The following PXDNL variants were observed in gnomAD, a reference collection of about 807,000 sequenced individuals.
The protein encoded by PXDNL is probable oxidoreductase PXDNL.
A neutral mutation model predicts 150.8 loss-of-function variants in PXDNL; 145 were observed. That is an observed-to-expected ratio of 0.96 (90% CI 0.84 to 1.10). The LOEUF (loss-of-function observed/expected upper bound fraction) is 1.10, where lower values mean the gene tolerates loss of function less well. Among genes scored for constraint, PXDNL ranks in the 50% least tolerant of loss-of-function variants. The pLI, the probability that PXDNL is intolerant of heterozygous loss-of-function variation, is 0.00. For missense variants in PXDNL, 2,087 were observed against 1,873.9 expected, an observed-to-expected ratio of 1.11 and a Z score of -2.10; for synonymous variants, 757 against 725.7, an observed-to-expected ratio of 1.04 and a Z score of -0.69.
At chr8:51,495,580 A>G (rs1811026688) in intron 5 of PXDNL, among the ~76,000 whole-genome samples, 1 of 152,220 alleles carries the variant, frequency 6.6e-6, no homozygotes, top group Non-Finnish European at 1.5e-5. Flanking sequence ...AGATGCAATA[A>G]AAAATGATAA....
rs1473205919 is a variant in PXDNL at position 51,701,314 on chromosome 8, C to A, written c.165-46554G>T. ...GAATTTCAAACAGTGAGTCACTGGC[C>A]TCCTTCACCCAACCTGCATTATATA... On this transcript the variant is annotated intron_variant, in intron 1 of 22. Coordinates refer to ENST00000356297, the MANE Select transcript of PXDNL (RefSeq NM_144651.5). Among the ~76,000 whole-genome samples the A allele has an allele frequency of 3.3e-5, 5 of 152,182 alleles. No individual in the cohort carries two copies. In the South Asian group the frequency reaches 1.0e-3, roughly 32 times the overall value.
chr8:51,600,877 A>G (rs1019627243), intron 2 of PXDNL, among the ~76,000 whole-genome samples: 14 of 139,762 alleles, frequency 1.0e-4, no homozygotes, highest in African/African-American at 2.9e-4. Flanking sequence ...ATAATAAATT[A>G]CATCTTATAT....
At position 51,654,744 on chromosome 8, in the gene PXDNL, T is replaced by C. The variant is rs1815116436; in HGVS notation, c.181A>G (p.Arg61Gly). The C allele has an allele frequency of 1.2e-6, 2 of 1,613,100 alleles. No individual in the cohort carries two copies. Among genetic ancestry groups the C allele is most frequent in the African/African-American group, 2.7e-5 (2 of 74,928 alleles). Reference sequence around the variant, plus strand: ...GCGCTCCCTGGAATTTCTCTTATTCTGTTAAACCTCAAGTCTCTGGGAACA... The same window carrying C: ...GCGCTCCCTGGAATTTCTCTTATTCCGTTAAACCTCAAGTCTCTGGGAACA... ...QTTVLDLRFN[R>G]IREIPGSAFK... Residue 61 changes from arginine (R) to glycine (G), a missense_variant, in exon 2 of 23, where the codon AGA (arginine) becomes GGA (glycine). Coordinates refer to ENST00000356297, the MANE Select transcript of PXDNL (RefSeq NM_144651.5).
intron 1 of PXDNL, among the ~76,000 whole-genome samples, chr8:51,804,020 G>A (rs150032500): frequency 3.9e-4 from 60 of 152,258 alleles, no homozygotes; most frequent in African/African-American, 1.4e-3. Flanking sequence ...TTTTGCCAAG[G>A]TTGAGGACAC....
intron 2 of PXDNL, among the ~76,000 whole-genome samples, chr8:51,628,564 C>A (rs1814417432): frequency 6.6e-6 from 1 of 151,614 alleles, no homozygotes; most frequent in South Asian, 2.1e-4. Flanking sequence ...TGCCACCACA[C>A]CCAGCTAATT....
intron 21 of PXDNL, among the ~76,000 whole-genome samples, chr8:51,327,052 G>A (rs1401734687): frequency 2.0e-5 from 3 of 152,156 alleles, no homozygotes; most frequent in East Asian, 1.9e-4. Context: ...ACTGTCTAAT[G>A]AGACTTCTAT....
At chr8:51,404,835 C>T (rs533079712) in intron 17 of PXDNL, among the ~76,000 whole-genome samples, 2 of 152,354 alleles carry the variant, frequency 1.3e-5, no homozygotes, top group East Asian at 3.9e-4. Context: ...CTCCTCAGCC[C>T]TTGGGCGGTC....
chr8:51,502,822 G>A (rs763014959), intron 4 of PXDNL, among the ~76,000 whole-genome samples: 1 of 152,108 alleles, frequency 6.6e-6, no homozygotes, highest in Non-Finnish European at 1.5e-5. Flanking sequence ...TGCATTGCTA[G>A]AAGTAGAAAG....
chr8:51,629,136 G>C (rs1814433044), intron 2 of PXDNL, among the ~76,000 whole-genome samples: 3 of 152,014 alleles, frequency 2.0e-5, no homozygotes, highest in Admixed American at 2.0e-4. Context: ...ACGGCAAAGA[G>C]ATAAAGGAAA....
At chr8:51,695,980 A>G (rs538339270) in intron 1 of PXDNL, among the ~76,000 whole-genome samples, 1 of 152,314 alleles carries the variant, frequency 6.6e-6, no homozygotes, top group East Asian at 1.9e-4. Flanking sequence ...GGTGAATAAA[A>G]TTTCAGCTCC....
chr8:51,497,132 A>T (rs1012349421), intron 5 of PXDNL, among the ~76,000 whole-genome samples: 2 of 152,188 alleles, frequency 1.3e-5, no homozygotes, highest in Admixed American at 6.5e-5. Context: ...ATAATGCCGC[A>T]TATCTACAAC....
chr8:51,607,001 C>G (rs1813849711), intron 2 of PXDNL, among the ~76,000 whole-genome samples: 1 of 152,186 alleles, frequency 6.6e-6, no homozygotes, highest in Non-Finnish European at 1.5e-5. Flanking sequence ...AGGAAGAACT[C>G]ACATCACCAT....
intron 3 of PXDNL, among the ~76,000 whole-genome samples, chr8:51,586,480 A>C (rs961619035): frequency 2.0e-5 from 3 of 152,210 alleles, no homozygotes; most frequent in Non-Finnish European, 4.4e-5. Flanking sequence ...GAGAGTGGAC[A>C]AGAAACCACA....
rs117724554 is a variant in PXDNL at position 51,395,839 on chromosome 8, C to T, written c.3557+12228G>A. Reference sequence around the variant, plus strand: ...AAAATCTATTACTGCCTAATGAGACCCATACTTAACTCCAATTTACTCTCA... The same window carrying T: ...AAAATCTATTACTGCCTAATGAGACTCATACTTAACTCCAATTTACTCTCA... On this transcript the variant is annotated intron_variant, in intron 17 of 22. Transcript: ENST00000356297. Among the ~76,000 whole-genome samples, 532 of 152,246 alleles carry T rather than the reference C, an allele frequency of 3.5e-3. 2 individuals are homozygous for T. The highest frequency in any genetic ancestry group is 5.4e-3 in the Non-Finnish European group (369 of 68,014).
intron 5 of PXDNL, among the ~76,000 whole-genome samples, chr8:51,495,084 C>A (rs1811012428): frequency 6.6e-6 from 1 of 152,146 alleles, no homozygotes; most frequent in African/African-American, 2.4e-5. Context: ...AACTGTCTCT[C>A]AGACCACAGT....
At position 51,556,883 on chromosome 8, in the gene PXDNL, G is replaced by C. The variant is rs772345600; in HGVS notation, c.337C>G (p.Leu113Val). The C allele has an allele frequency of 6.3e-7, 1 of 1,584,402 alleles. No homozygotes were observed. The highest frequency in any genetic ancestry group is 1.3e-5 in the African/African-American group (1 of 74,188). ...AGTCCTTTAAATGTTTGCTTATCTA[G>C]TGCATGGATTTCATTCTTATACAGG... ...LYLYKNEIHA[L>V]DKQTFKGLIS... The change falls in exon 4 of 23, where the codon CTA becomes GTA. Residue 113 changes from leucine (L) to valine (V), a missense_variant. Transcript: ENST00000356297.
intron 4 of PXDNL, among the ~76,000 whole-genome samples, chr8:51,522,854 C>CA (rs1811690735): frequency 6.7e-6 from 1 of 150,170 alleles, no homozygotes; most frequent in Non-Finnish European, 1.5e-5. Context: ...AAAACAAAAA[C>CA]AAAAACAAAA....
At position 51,410,724 on chromosome 8, in the gene PXDNL, T is replaced by C. The variant is rs536752434; in HGVS notation, c.2062+526A>G. On this transcript the variant is annotated intron_variant, in intron 16 of 22. Coordinates refer to ENST00000356297, the MANE Select transcript of PXDNL (RefSeq NM_144651.5). ...TCTGAAAGCTTTCTATATCATCTCA[T>C]TTGACATCTACTAACTAGATGTCTG... 2.6e-5 allele frequency among the ~76,000 whole-genome samples: 4 copies of C among 152,350 alleles called. No homozygotes were observed. The South Asian group carries it at 8.3e-4, about 32-fold the overall frequency.
intron 1 of PXDNL, among the ~76,000 whole-genome samples, chr8:51,702,618 A>G (rs992968261): frequency 8.5e-5 from 13 of 152,182 alleles, no homozygotes; most frequent in Non-Finnish European, 1.9e-4. Context: ...TTGACAAGGT[A>G]CTTAAGCGGG....
Sources: allele counts gnomAD v4.1 joint callset (sites outside exome capture counted in the v4.1 genomes callset), GRCh38; gene constraint gnomAD v4.1.1; transcripts MANE v1.5; gene names NCBI Gene and HGNC (gene_info 2026-07-23, HGNC 2026-07-21).